Variants in GRB2 observed in about 807,000 individuals in gnomAD.
GRB2 encodes the protein growth factor receptor-bound protein 2.
GRB2 carries 2 observed loss-of-function variants against 27.4 expected under a neutral mutation model. That is an observed-to-expected ratio of 0.07 (90% CI 0.03 to 0.23). GRB2 has a LOEUF of 0.23. Among genes scored for constraint, GRB2 ranks in the 10% least tolerant of loss-of-function variants. GRB2 has a pLI of 1.00. For missense variants in GRB2, 102 were observed against 282.4 expected, an observed-to-expected ratio of 0.36 and a Z score of 4.58; for synonymous variants, 94 against 99.6, an observed-to-expected ratio of 0.94 and a Z score of 0.33.
In GRB2 at chr17:75,345,291, AC is replaced by A. The variant is rs746928367; in HGVS notation, c.79-12495del. Among the ~76,000 whole-genome samples the A allele has an allele frequency of 9.2e-4, 140 of 152,036 alleles. 1 individual carries two copies. Among genetic ancestry groups the A allele is most frequent in the Non-Finnish European group, 5.3e-4 (36 of 67,974 alleles). On this transcript the variant is annotated intron_variant, in intron 2 of 5. Coordinates refer to ENST00000316804, the MANE Select transcript of GRB2 (RefSeq NM_002086.5). The stretch of plus-strand genomic sequence containing the variant: ...GATCTCCTGACCTCGTGATCCGCCA[AC>A]CTCAGCCTCCCAAAGTTGTGGGATT...
intron 2 of GRB2, chr17:75,370,876 C>T (rs549218429): frequency 4.6e-4 from 70 of 152,340 alleles, no homozygotes; most frequent in African/African-American, 1.6e-3. Flanking sequence ...GTGTTCGACA[C>T]CTCCTTTCAT....
chr17:75,403,236 G>A (rs1240995781), intron 1 of GRB2, among the ~76,000 whole-genome samples: 1 of 150,448 alleles, frequency 6.6e-6, no homozygotes, highest in Non-Finnish European at 1.5e-5. Context: ...TCTGAATTAA[G>A]CAAGTATTAA....
intron 2 of GRB2, among the ~76,000 whole-genome samples, chr17:75,344,919 T>A (rs1598228198): frequency 6.7e-6 from 1 of 148,568 alleles, no homozygotes; most frequent in Admixed American, 6.7e-5. Context: ...AACCCGCTCC[T>A]GTGTGTCAGT....
chr17:75,378,999 C>T (rs1485919915), intron 2 of GRB2, among the ~76,000 whole-genome samples: 1 of 152,196 alleles, frequency 6.6e-6, no homozygotes, highest in African/African-American at 2.4e-5. Flanking sequence ...CAGAAATCCT[C>T]TGAGCTACTG....
intron 2 of GRB2, among the ~76,000 whole-genome samples, chr17:75,334,352 T>C (rs377397022): frequency 6.6e-6 from 1 of 151,976 alleles, no homozygotes; most frequent in East Asian, 1.9e-4. Context: ...TTGTATTTTT[T>C]AGTAGAGACG....
intron 1 of GRB2, among the ~76,000 whole-genome samples, chr17:75,395,358 A>C (rs779502194): frequency 6.6e-6 from 1 of 152,220 alleles, no homozygotes; most frequent in Non-Finnish European, 1.5e-5. Flanking sequence ...TGTAACAGGG[A>C]AAGTAAAGAA....
At chr17:75,366,450 G>A (rs2078819859) in intron 2 of GRB2, among the ~76,000 whole-genome samples, 1 of 138,646 alleles carries the variant, frequency 7.2e-6, no homozygotes, top group Non-Finnish European at 1.5e-5. Flanking sequence ...TGGGAGGCTG[G>A]CACAGGCAAT....
chr17:75,353,184 C>T (rs946530087), intron 2 of GRB2, among the ~76,000 whole-genome samples: 7 of 124,616 alleles, frequency 5.6e-5, no homozygotes, highest in African/African-American at 2.4e-4. Context: ...GACTCCGTCT[C>T]AAAAAAAAAA....
chr17:75,372,082 A>T (rs1190660494), intron 2 of GRB2: 1 of 152,206 alleles, frequency 6.6e-6, no homozygotes, highest in Non-Finnish European at 1.5e-5. Context: ...GATATGTCTC[A>T]GATGCTGCTG....
At chr17:75,330,547 G>A (rs1433024948) in intron 3 of GRB2, among the ~76,000 whole-genome samples, 6 of 152,098 alleles carry the variant, frequency 3.9e-5, no homozygotes, top group East Asian at 1.9e-4. Context: ...GGAGGCACGC[G>A]CCTGTAGTCC....
intron 5 of GRB2, among the ~76,000 whole-genome samples, chr17:75,321,380 T>C (rs572789284): frequency 1.1e-3 from 163 of 152,124 alleles, no homozygotes; most frequent in African/African-American, 3.8e-3. Flanking sequence ...TTTCACCATG[T>C]TGGCCAGGCT....
At chr17:75,403,075 C>CAAAA (rs59384819) in intron 1 of GRB2, among the ~76,000 whole-genome samples, 1,279 of 43,178 alleles carry the variant, frequency 0.03, 65 homozygotes, top group Non-Finnish European at 0.041. Flanking sequence ...GAATCTGTCT[C>CAAAA]AAAAAAAAAA....
intron 5 of GRB2, 141 bp downstream of exon 5, chr17:75,321,518 C>A: frequency 1.4e-6 from 1 of 705,344 alleles, no homozygotes; most frequent in South Asian, 1.8e-5. Context: ...GTAACATTTT[C>A]AGTAAGGAGC....
chr17:75,333,316 T>G (rs1328653170), intron 2 of GRB2, among the ~76,000 whole-genome samples: 1 of 152,208 alleles, frequency 6.6e-6, no homozygotes, highest in Admixed American at 6.5e-5. Flanking sequence ...CCTCAGGTGA[T>G]CTGCCCACCT....
At chr17:75,335,433 C>G (rs763067775) in intron 2 of GRB2, among the ~76,000 whole-genome samples, 33 of 152,102 alleles carry the variant, frequency 2.2e-4, no homozygotes, top group Non-Finnish European at 4.6e-4. Context: ...CAATCAGAAG[C>G]TGGATTGCTC....
At chr17:75,397,512 C>A (rs2079035901) in intron 1 of GRB2, among the ~76,000 whole-genome samples, 1 of 152,162 alleles carries the variant, frequency 6.6e-6, no homozygotes, top group Admixed American at 6.5e-5. Context: ...AACTACTATC[C>A]TAAAGGTATT....
chr17:75,325,884 C>A lies in GRB2; in HGVS notation c.299+14G>T. ...GAGACAGGATTCCAGGCAACTGCAG[C>A]AGGAAATACTTACTTGACAGAGAGG... is the stretch of plus-strand genomic sequence containing the variant. On this transcript the variant is annotated intron_variant, in intron 4 of 5. Coordinates refer to ENST00000316804, the MANE Select transcript of GRB2 (RefSeq NM_002086.5). 1 of 1,613,116 alleles carries A rather than the reference C, an allele frequency of 6.2e-7. No individual in the cohort carries two copies. Among genetic ancestry groups the A allele is most frequent in the Non-Finnish European group, 8.5e-7 (1 of 1,179,908 alleles).
intron 1 of GRB2, among the ~76,000 whole-genome samples, chr17:75,399,891 C>T (rs1219823535): frequency 1.4e-5 from 2 of 146,090 alleles, no homozygotes; most frequent in East Asian, 2.1e-4. Flanking sequence ...AGGATGGTCT[C>T]GATCTCCTGA....
At chr17:75,391,694 G>A (rs2078999581) in intron 2 of GRB2, among the ~76,000 whole-genome samples, 1 of 151,820 alleles carries the variant, frequency 6.6e-6, no homozygotes, top group African/African-American at 2.4e-5. Flanking sequence ...TGTAGTCCCG[G>A]CTACTCGGGA....
Sources: allele counts gnomAD v4.1 joint callset (sites outside exome capture counted in the v4.1 genomes callset), GRCh38; gene constraint gnomAD v4.1.1; transcripts MANE v1.5; gene names NCBI Gene and HGNC (gene_info 2026-07-23, HGNC 2026-07-21).